The following PRSS12 variants were observed in gnomAD, a reference collection of about 807,000 sequenced individuals.
PRSS12 encodes serine protease 12.
In PRSS12, 85 loss-of-function variants were observed where a neutral mutation model predicts 104.4. The ratio of observed to expected loss-of-function variants is 0.81; its 90% CI spans 0.68 to 0.98. The LOEUF is 0.98. Ranked by LOEUF, PRSS12 falls within the 50% of genes least tolerant of loss-of-function variation. The pLI, the probability that PRSS12 is intolerant of heterozygous loss-of-function variation, is 0.00. For missense variants in PRSS12, 1,141 were observed against 1,139.2 expected (o/e 1.00, Z -0.02); for synonymous variants, 454 against 425.2 (o/e 1.07, Z -0.83).
intron 11 of PRSS12, among the ~76,000 whole-genome samples, chr4:118,283,580 A>G (rs1742946470): frequency 6.6e-6 from 1 of 152,198 alleles, no homozygotes; most frequent in African/African-American, 2.4e-5. Flanking sequence ...CCTTTCCTCT[A>G]AAGTGAATGC....
In PRSS12 at chr4:118,282,884, T is replaced by C; in HGVS notation, c.2267A>G (p.Glu756Gly). 1 of 1,614,172 alleles carries C rather than the reference T, an allele frequency of 6.2e-7. No individual in the cohort carries two copies. The highest frequency in any genetic ancestry group is 8.5e-7 in the Non-Finnish European group (1 of 1,180,028). ...VLPACLPLWRERPQKTASNCY... is the reference protein window; with the variant it reads ...VLPACLPLWRGRPQKTASNCY... ...GTTGGATGCTGTTTTCTGTGGCCTC[T>C]CTCTCCAGAGTGGTAAACAGGCTGG... The change falls in exon 12 of 13, where the codon GAG becomes GGG. Residue 756 changes from glutamate to glycine, a missense_variant. Glu to Gly is a moderately conservative substitution (Grantham distance 98). Coordinates refer to ENST00000296498, the MANE Select transcript of PRSS12 (RefSeq NM_003619.4).
At chr4:118,305,927 A>G (rs1743538137) in intron 8 of PRSS12, 1 of 152,156 alleles carries the variant, frequency 6.6e-6, no homozygotes, top group African/African-American at 2.4e-5. Flanking sequence ...AACTGTATAT[A>G]TATATACACA....
intron 3 of PRSS12, among the ~76,000 whole-genome samples, chr4:118,333,924 G>T (rs532556582): frequency 1.4e-4 from 22 of 152,272 alleles, no homozygotes; most frequent in Admixed American, 1.0e-3. Context: ...TTAGCTTATA[G>T]ATAATTAAAC....
chr4:118,335,733 G>A, intron 2 of PRSS12, 82 bp from the exon 3 acceptor site: 1 of 1,285,480 alleles, frequency 7.8e-7, no homozygotes, highest in South Asian at 1.2e-5. Context: ...AAAAAAAATG[G>A]AAGAAATCAA....
chr4:118,282,070 C>A lies in PRSS12; in HGVS notation c.2494G>T (p.Glu832Ter), dbSNP rs528081738. 52 of 1,614,190 alleles carry A rather than the reference C, an allele frequency of 3.2e-5. No individual in the cohort carries two copies. The South Asian group carries it at 5.5e-4, about 17-fold the overall frequency. The part of the protein sequence containing the change: ...QGDSGGPLMC[E>*]RPGESWVVYG... The stretch of plus-strand genomic sequence containing the variant: ...ACCACCCAGCTCTCTCCGGGCCGTT[C>A]ACACATGAGTGGTCCTCCGCTGTCT... The change falls in exon 13 of 13, where the codon GAA becomes TAA. Residue 832 changes from glutamate to a stop codon, truncating the protein, a stop_gained. Transcript: ENST00000296498. LOFTEE classifies it high-confidence loss of function.
intron 6 of PRSS12, among the ~76,000 whole-genome samples, chr4:118,314,254 A>AT (rs1382152429): frequency 4.6e-5 from 7 of 152,044 alleles, no homozygotes; most frequent in Non-Finnish European, 8.8e-5. Flanking sequence ...TGATGTTTTT[A>AT]TTATTTCTGT....
chr4:118,283,272 C>T (rs1742934645), intron 11 of PRSS12, among the ~76,000 whole-genome samples, 161 bp from the exon 12 acceptor site: 1 of 152,224 alleles, frequency 6.6e-6, no homozygotes, highest in South Asian at 2.1e-4. Context: ...TCCTGATCCT[C>T]TACTGCAAAC....
intron 11 of PRSS12, 88 bp downstream of exon 11, chr4:118,294,851 G>A: frequency 6.4e-7 from 1 of 1,556,266 alleles, no homozygotes. Context: ...GCCTGGCTCT[G>A]ACACCTTGAG....
intron 4 of PRSS12, among the ~76,000 whole-genome samples, chr4:118,323,154 G>A (rs570642070): frequency 1.3e-5 from 2 of 152,146 alleles, no homozygotes; most frequent in Admixed American, 1.3e-4. Context: ...ATTAATGAAA[G>A]CAAATATGGA....
rs759595658 is a variant in PRSS12 at position 118,318,432 on chromosome 4, C to T, written c.1096G>A (p.Glu366Lys). The T allele has an allele frequency of 1.2e-6, 2 of 1,614,108 alleles. No individual in the cohort carries two copies. The highest frequency in any genetic ancestry group is 1.7e-6 in the Non-Finnish European group (2 of 1,180,002). ...TCTTCTTTATGGCCACAGTTATGCT[C>T]TCCCCAGGAGCTCTTTGGACACTGC... ...IEQCPKSSWG[E>K]HNCGHKEDAG... The change falls in exon 5 of 13, where the codon GAG (glutamate) becomes AAG (lysine). Residue 366 changes from glutamate to lysine, a missense_variant. Coordinates refer to ENST00000296498, the MANE Select transcript of PRSS12 (RefSeq NM_003619.4).
At position 118,313,332 on chromosome 4, in the gene PRSS12, A is replaced by G; in HGVS notation, c.1358T>C (p.Val453Ala). 6.2e-7 allele frequency: 1 copy of G among 1,614,134 alleles called. No individual in the cohort carries two copies. The highest frequency in any genetic ancestry group is 8.5e-7 in the Non-Finnish European group (1 of 1,180,008). ...TCTGGTTTCCTTTCCTGAGCAGCTGACGTCATCCAACCATATGGGCCCTGT... is the reference window on the plus strand; with the variant it reads ...TCTGGTTTCCTTTCCTGAGCAGCTGGCGTCATCCAACCATATGGGCCCTGT... ...ESTGPIWLDDVSCSGKETRFL... is the reference protein window; with the variant it reads ...ESTGPIWLDDASCSGKETRFL... Residue 453 changes from valine (V) to alanine (A), a missense_variant, in exon 7 of 13, where the codon GTC (valine) becomes GCC (alanine). Physicochemically the swap from Val to Ala is moderately conservative, Grantham distance 64. Coordinates refer to ENST00000296498, the MANE Select transcript of PRSS12 (RefSeq NM_003619.4).
chr4:118,289,822 A>C (rs1323830445), intron 11 of PRSS12, among the ~76,000 whole-genome samples: 1 of 152,176 alleles, frequency 6.6e-6, no homozygotes, highest in African/African-American at 2.4e-5. Context: ...TTTTTTCCCT[A>C]CTCACATTAA....
chr4:118,352,315 T>G lies in PRSS12; in HGVS notation c.406A>C (p.Asn136His). Residue 136 changes from asparagine to histidine, a missense_variant, in exon 1 of 13, where the codon AAC (asparagine) becomes CAC (histidine). Transcript: ENST00000296498. ...SWAQLRGQRH[N>H]FCRSPDGAGR... ...GCGCCGTCGGGGCTCCGACAAAAGT[T>G]GTGGCGCTGTCCTCGCAGCTGAGCC... 1 of 1,597,134 alleles carries G rather than the reference T, an allele frequency of 6.3e-7. No individual in the cohort carries two copies. Among genetic ancestry groups the G allele is most frequent in the African/African-American group, 1.3e-5 (1 of 74,882 alleles).
intron 9 of PRSS12, 54 bp from the exon 10 acceptor site, chr4:118,295,910 A>G: frequency 2.0e-6 from 3 of 1,476,426 alleles, no homozygotes; most frequent in Non-Finnish European, 2.8e-6. Context: ...CAGAGGGGTA[A>G]GACGATAAGT....
At position 118,298,811 on chromosome 4, in the gene PRSS12, G is replaced by A; in HGVS notation, c.1759C>T (p.His587Tyr). Residue 587 changes from histidine to tyrosine, a missense_variant, in exon 9 of 13, where the codon CAC (histidine) becomes TAC (tyrosine). Transcript: ENST00000296498. ...GCATCTTCACTGTGGCGGCAGTTGT[G>A]TCTTCCAATATCTTGCTTGATACAG... is the stretch of plus-strand genomic sequence containing the variant. ...ADCIKQDIGR[H>Y]NCRHSEDAGV... The A allele has an allele frequency of 6.2e-7, 1 of 1,614,150 alleles. No individual in the cohort carries two copies. Among genetic ancestry groups the A allele is most frequent in the Non-Finnish European group, 8.5e-7 (1 of 1,180,034 alleles).
At chr4:118,328,549 A>C (rs1723838676) in intron 4 of PRSS12, among the ~76,000 whole-genome samples, 1 of 152,150 alleles carries the variant, frequency 6.6e-6, no homozygotes, top group Admixed American at 6.6e-5. Context: ...AAGTGAAAAA[A>C]ATATTTGTCT....
intron 11 of PRSS12, among the ~76,000 whole-genome samples, chr4:118,288,108 C>T (rs7356268): frequency 2.8e-3 from 424 of 152,258 alleles, no homozygotes; most frequent in African/African-American, 9.8e-3. Flanking sequence ...TACATGGATT[C>T]GTCTCTACAG....
intron 10 of PRSS12, 146 bp from the exon 11 acceptor site, chr4:118,295,207 C>T: frequency 9.0e-7 from 1 of 1,109,024 alleles, no homozygotes; most frequent in Non-Finnish European, 1.3e-6. Flanking sequence ...TACATCCCTT[C>T]CTACTTTGAG....
chr4:118,338,384 G>A (rs888920125), intron 1 of PRSS12, 70 bp from the exon 2 acceptor site: 27 of 1,580,652 alleles, frequency 1.7e-5, no homozygotes, highest in Admixed American at 3.4e-5. Flanking sequence ...GCCAGTCCTG[G>A]GTTAACATGA....
Sources: gnomAD v4.1 joint callset for allele counts (sites outside exome capture counted in the v4.1 genomes callset) on GRCh38, gnomAD v4.1.1 for gene constraint, MANE v1.5 for transcripts, NCBI Gene and HGNC (gene_info 2026-07-23, HGNC 2026-07-21) for gene names.